LURAP1L: variants seen among roughly 807,000 people sequenced by gnomAD.
The protein encoded by LURAP1L is leucine rich adaptor protein 1-like.
A neutral mutation model predicts 13.8 loss-of-function variants in LURAP1L; 12 were observed. That is an observed-to-expected ratio of 0.87 (90% CI 0.56 to 1.41). LURAP1L has a LOEUF of 1.41. LURAP1L is among the 40% of genes most tolerant of loss of function. The pLI is 0.00. For synonymous variants in LURAP1L, 139 were observed against 119.2 expected (o/e 1.17, Z -1.08); for missense variants, 375 against 292.9 (o/e 1.28, Z -2.04).
intron 1 of LURAP1L, among the ~76,000 whole-genome samples, chr9:12,790,927 T>C (rs184841047): frequency 5.9e-5 from 9 of 152,136 alleles, no homozygotes; most frequent in African/African-American, 1.7e-4. Flanking sequence ...AAAGTCTGTG[T>C]GGTTTTAACT....
chr9:12,812,987 T>C (rs2118540525), intron 1 of LURAP1L, among the ~76,000 whole-genome samples: 1 of 152,264 alleles, frequency 6.6e-6, no homozygotes, highest in Non-Finnish European at 1.5e-5. Flanking sequence ...TTTACATCTA[T>C]CTCAAATTTT....
At chr9:12,792,927 A>T (rs1411617985) in intron 1 of LURAP1L, among the ~76,000 whole-genome samples, 2 of 152,066 alleles carry the variant, frequency 1.3e-5, no homozygotes, top group East Asian at 1.9e-4. Flanking sequence ...AGTTTCTAAA[A>T]ATTAGTTTGA....
intron 1 of LURAP1L, among the ~76,000 whole-genome samples, chr9:12,808,170 A>C (rs1428358412): frequency 1.3e-5 from 2 of 151,386 alleles, no homozygotes; most frequent in Non-Finnish European, 3.0e-5. Flanking sequence ...ATGCTCTTCC[A>C]TTTTTTTTAA....
At chr9:12,790,884 T>C (rs1819431909) in intron 1 of LURAP1L, 1 of 152,158 alleles carries the variant, frequency 6.6e-6, no homozygotes, top group Non-Finnish European at 1.5e-5. Flanking sequence ...ACATTATTTG[T>C]AGCATTGTAT....
intron 1 of LURAP1L, chr9:12,777,257 A>G: frequency 1.0e-6 from 1 of 985,418 alleles, no homozygotes; most frequent in Non-Finnish European, 1.2e-6. Flanking sequence ...TGGAAAGTGG[A>G]AGTCATCTTG....
At chr9:12,808,456 A>G (rs1819691186) in intron 1 of LURAP1L, among the ~76,000 whole-genome samples, 1 of 151,908 alleles carries the variant, frequency 6.6e-6, no homozygotes, top group Non-Finnish European at 1.5e-5. Flanking sequence ...GAACTTTTTT[A>G]TTTTTCCCAA....
At chr9:12,813,015 A>G (rs1819758515) in intron 1 of LURAP1L, among the ~76,000 whole-genome samples, 1 of 152,152 alleles carries the variant, frequency 6.6e-6, no homozygotes, top group Admixed American at 6.5e-5. Flanking sequence ...GGAAAAGATA[A>G]GATTACCTTC....
At position 12,776,034 on chromosome 9, in the gene LURAP1L, G is replaced by A. The variant is rs775532901; in HGVS notation, c.312+7G>A. 117 of 1,612,694 alleles carry A rather than the reference G, an allele frequency of 7.3e-5. No homozygotes were observed. The highest frequency in any genetic ancestry group is 9.4e-5 in the Non-Finnish European group (111 of 1,179,612). On this transcript the variant is annotated splice_region_variant and intron_variant, in intron 1 of 1. Coordinates refer to ENST00000319264, the MANE Select transcript of LURAP1L (RefSeq NM_203403.2). ...CCTCCTCAGGCAAGAGATGGTGAGT[G>A]TGGTGCGCCAGCCGCGGGGGCTGGG...
intron 1 of LURAP1L, among the ~76,000 whole-genome samples, chr9:12,806,769 A>G (rs1268698342): frequency 6.6e-6 from 1 of 151,718 alleles, no homozygotes; most frequent in Admixed American, 6.6e-5. Flanking sequence ...TGAGATTTCC[A>G]TTTCTAGATT....
chr9:12,788,905 A>T (rs1202222296), intron 1 of LURAP1L, among the ~76,000 whole-genome samples: 1 of 150,394 alleles, frequency 6.6e-6, no homozygotes, highest in African/African-American at 2.4e-5. Flanking sequence ...CTATATATAT[A>T]TATATATTTT....
intron 1 of LURAP1L, among the ~76,000 whole-genome samples, chr9:12,802,065 T>A (rs577677583): frequency 1.3e-4 from 20 of 152,210 alleles, no homozygotes; most frequent in Non-Finnish European, 2.8e-4. Context: ...GAAGGAGATA[T>A]ACATAATAAA....
chr9:12,819,924 C>T (rs892824720), intron 1 of LURAP1L, among the ~76,000 whole-genome samples: 1 of 151,380 alleles, frequency 6.6e-6, no homozygotes. Context: ...ACTGCACTCC[C>T]GCCTGGGCAA....
intron 1 of LURAP1L, among the ~76,000 whole-genome samples, chr9:12,790,172 A>C (rs1048643834): frequency 6.6e-6 from 1 of 152,192 alleles, no homozygotes; most frequent in South Asian, 2.1e-4. Flanking sequence ...GTCTGTGGAC[A>C]AAATTCTCTA....
chr9:12,790,055 G>A (rs1260158928), intron 1 of LURAP1L, among the ~76,000 whole-genome samples: 2 of 151,940 alleles, frequency 1.3e-5, no homozygotes, highest in South Asian at 4.2e-4. Context: ...AATGACTTAT[G>A]GTAAAGTAAA....
At chr9:12,787,314 G>A (rs750958897) in intron 1 of LURAP1L, among the ~76,000 whole-genome samples, 6 of 151,934 alleles carry the variant, frequency 3.9e-5, no homozygotes, top group African/African-American at 7.3e-5. Flanking sequence ...AGTTCATGAC[G>A]CAGCCATTTG....
At chr9:12,819,304 T>C (rs1245689053) in intron 1 of LURAP1L, among the ~76,000 whole-genome samples, 2 of 152,204 alleles carry the variant, frequency 1.3e-5, no homozygotes, top group Non-Finnish European at 2.9e-5. Flanking sequence ...ACTTTATGTT[T>C]TTTGTATTCA....
chr9:12,780,384 T>TTG (rs56121590), intron 1 of LURAP1L, among the ~76,000 whole-genome samples: 126,409 of 147,502 alleles, frequency 0.86, 52,777 homozygotes, highest in Non-Finnish European at 0.89. Flanking sequence ...AAAAACAAGG[T>TTG]TATATTTCAA....
intron 1 of LURAP1L, among the ~76,000 whole-genome samples, chr9:12,786,547 C>CATATATAGAT (rs1819354282): frequency 1.9e-5 from 1 of 53,006 alleles, no homozygotes; most frequent in Non-Finnish European, 3.3e-5. Context: ...ATATATATGA[C>CATATATAGAT]ATATATATAT....
intron 1 of LURAP1L, among the ~76,000 whole-genome samples, chr9:12,817,030 G>T (rs1819813553): frequency 6.6e-6 from 1 of 152,164 alleles, no homozygotes; most frequent in African/African-American, 2.4e-5. Flanking sequence ...TGAACAAATA[G>T]AATAATGTTT....
Sources: allele counts gnomAD v4.1 joint callset (sites outside exome capture counted in the v4.1 genomes callset), GRCh38; gene constraint gnomAD v4.1.1; transcripts MANE v1.5; gene names NCBI Gene and HGNC (gene_info 2026-07-23, HGNC 2026-07-21).